The following GALNTL6 variants were observed in gnomAD, a reference collection of about 807,000 sequenced individuals.
GALNTL6 encodes the protein polypeptide N-acetylgalactosaminyltransferase-like 6.
In GALNTL6, 46 loss-of-function variants were observed where a neutral mutation model predicts 73.7. The observed-to-expected ratio is 0.62, with a 90% CI of 0.49 to 0.80. The LOEUF (loss-of-function observed/expected upper bound fraction) is 0.80, where lower values mean the gene tolerates loss of function less well. GALNTL6 is among the 30% of genes least tolerant of loss of function. The pLI, the probability that GALNTL6 is intolerant of heterozygous loss-of-function variation, is 0.00. For synonymous variants in GALNTL6, 259 were observed against 263.7 expected (o/e 0.98, Z 0.17); for missense variants, 604 against 755.0 (o/e 0.80, Z 2.34).
intron 2 of GALNTL6, among the ~76,000 whole-genome samples, chr4:172,002,840 G>C (rs1740718703): frequency 6.6e-6 from 1 of 152,158 alleles, no homozygotes; most frequent in Non-Finnish European, 1.5e-5. Flanking sequence ...CGTGTTATAA[G>C]AGGTGGAGAA....
chr4:172,487,296 T>TTCTTTCCTTCTG (rs1554029531), intron 5 of GALNTL6, among the ~76,000 whole-genome samples: 6 of 82,186 alleles, frequency 7.3e-5, no homozygotes, highest in South Asian at 5.3e-4. Context: ...CCTTCTTTCC[T>TTCTTTCCTTCTG]TCTGTCTTTC....
At position 172,482,837 on chromosome 4, in the gene GALNTL6, C is replaced by T. The variant is rs138650400; in HGVS notation, c.553+134148C>T. ...TGTATCTTAAGTGTCTGCAAAGTACCCAGCACAAAGTAAAAACCTGGCAAA... is the reference window on the plus strand; with the variant it reads ...TGTATCTTAAGTGTCTGCAAAGTACTCAGCACAAAGTAAAAACCTGGCAAA... On this transcript the variant is annotated intron_variant, in intron 5 of 12. Coordinates refer to ENST00000506823, the MANE Select transcript of GALNTL6 (RefSeq NM_001034845.3). Among the ~76,000 whole-genome samples the T allele has an allele frequency of 2.6e-5, 4 of 152,102 alleles. No homozygotes were observed. In the East Asian group the frequency reaches 7.7e-4, roughly 29 times the overall value.
At chr4:172,333,737 G>A (rs1741212399) in intron 4 of GALNTL6, among the ~76,000 whole-genome samples, 1 of 152,082 alleles carries the variant, frequency 6.6e-6, no homozygotes, top group Admixed American at 6.5e-5. Context: ...CGCTTTTGAG[G>A]TCTTAGTCAT....
Position 172,633,847 on chromosome 4 carries a change from GA to G in GALNTL6, c.554-175513del, listed in dbSNP as rs1475775501. On this transcript the variant is annotated intron_variant, in intron 5 of 12. Transcript: ENST00000506823. ...CTGTTCTCGTGGTAGTCAGTTTCATGAGATCTGATGGTTTTATAAATGGGAG... is the reference window on the plus strand; with the variant it reads ...CTGTTCTCGTGGTAGTCAGTTTCATGGATCTGATGGTTTTATAAATGGGAG... 2.5e-4 allele frequency among the ~76,000 whole-genome samples: 38 copies of G among 152,300 alleles called. No individual in the cohort carries two copies. In the East Asian group the frequency reaches 4.6e-3, roughly 19 times the overall value.
chr4:172,180,958 G>T (rs537882725), intron 2 of GALNTL6, among the ~76,000 whole-genome samples: 1 of 152,014 alleles, frequency 6.6e-6, no homozygotes, highest in Non-Finnish European at 1.5e-5. Context: ...TTTTGGTTCC[G>T]TTAGAAATTT....
At chr4:172,397,877 A>G (rs1743906385) in intron 5 of GALNTL6, among the ~76,000 whole-genome samples, 1 of 152,084 alleles carries the variant, frequency 6.6e-6, no homozygotes, top group Non-Finnish European at 1.5e-5. Flanking sequence ...GTGCCTGGCC[A>G]CTATCTTTTA....
rs115210315 is a variant in GALNTL6, at chr4:172,431,250, G to T, written c.553+82561G>T. Reference sequence around the variant, plus strand: ...ATTATACCAATAACTAATGAATTCAGCTATTACTTACGATGCATTCCAATC... The same window carrying T: ...ATTATACCAATAACTAATGAATTCATCTATTACTTACGATGCATTCCAATC... On this transcript the variant is annotated intron_variant, in intron 5 of 12. Coordinates refer to ENST00000506823, the MANE Select transcript of GALNTL6 (RefSeq NM_001034845.3). Among the ~76,000 whole-genome samples the T allele has an allele frequency of 1.5e-3, 224 of 152,208 alleles. 1 individual carries two copies. The highest frequency in any genetic ancestry group is 4.8e-3 in the African/African-American group (198 of 41,552).
intron 2 of GALNTL6, among the ~76,000 whole-genome samples, chr4:171,974,344 T>C (rs759948221): frequency 6.6e-6 from 1 of 152,184 alleles, no homozygotes; most frequent in Admixed American, 6.5e-5. Context: ...AGGCCCACCA[T>C]AGCAGCTGAA....
chr4:172,801,993 G>A (rs1740674935), intron 5 of GALNTL6, among the ~76,000 whole-genome samples: 1 of 152,080 alleles, frequency 6.6e-6, no homozygotes, highest in Non-Finnish European at 1.5e-5. Context: ...TGTTTCTTAA[G>A]TGTCTCTTAA....
chr4:172,132,997 T>C (rs1733541718), intron 2 of GALNTL6, among the ~76,000 whole-genome samples: 1 of 152,188 alleles, frequency 6.6e-6, no homozygotes, highest in Admixed American at 6.5e-5. Flanking sequence ...TGTGTGTGCA[T>C]GATAGAAACT....
At chr4:171,822,202 T>C (rs1734704760) in intron 2 of GALNTL6, among the ~76,000 whole-genome samples, 1 of 152,170 alleles carries the variant, frequency 6.6e-6, no homozygotes. Context: ...AGTTAAAAAG[T>C]AGAATAAAAA....
rs564391363 is a variant in GALNTL6 at position 172,099,153 on chromosome 4, GA to G, written c.139-130496del. 3.9e-5 allele frequency among the ~76,000 whole-genome samples: 6 copies of G among 151,994 alleles called. No homozygotes were observed. The East Asian group carries it at 1.2e-3, about 29-fold the overall frequency. On this transcript the variant is annotated intron_variant, in intron 2 of 12. Transcript: ENST00000506823. Reference sequence around the variant, plus strand: ...ATGCTGCTTCAAACACTAGAGAGACGAAAAAAACATGCTATATATTCCCATT... The same window carrying G: ...ATGCTGCTTCAAACACTAGAGAGACGAAAAAACATGCTATATATTCCCATT...
rs955578266 is a variant in GALNTL6, at chr4:171,905,599, A to G, written c.138+90881A>G. Among the ~76,000 whole-genome samples, 6 of 150,234 alleles carry G rather than the reference A, an allele frequency of 4.0e-5. 1 individual carries two copies. Among genetic ancestry groups the G allele is most frequent in the African/African-American group, 1.5e-4 (6 of 39,660 alleles). ...GACAGATCAACGAGACAGAAAGTCA[A>G]CAAGGATACCCAGGAATTGAACTCA... On this transcript the variant is annotated intron_variant, in intron 2 of 12. Coordinates refer to ENST00000506823, the MANE Select transcript of GALNTL6 (RefSeq NM_001034845.3).
At chr4:171,962,919 CA>C (rs1244271317) in intron 2 of GALNTL6, among the ~76,000 whole-genome samples, 2 of 151,736 alleles carry the variant, frequency 1.3e-5, no homozygotes, top group African/African-American at 4.8e-5. Context: ...AGGTGTGCAC[CA>C]CCATGCCCAG....
intron 2 of GALNTL6, among the ~76,000 whole-genome samples, chr4:171,860,978 C>T (rs1223782653): frequency 6.6e-6 from 1 of 152,120 alleles, no homozygotes; most frequent in Non-Finnish European, 1.5e-5. Context: ...CATAATTCTC[C>T]ATTAGGCCTC....
intron 4 of GALNTL6, among the ~76,000 whole-genome samples, chr4:172,332,652 A>T (rs1263666344): frequency 6.6e-6 from 1 of 152,106 alleles, no homozygotes; most frequent in African/African-American, 2.4e-5. Context: ...TTTCTGGCTG[A>T]AAAATATTTC....
At chr4:172,803,382 C>T (rs1376040980) in intron 5 of GALNTL6, among the ~76,000 whole-genome samples, 1 of 152,046 alleles carries the variant, frequency 6.6e-6, no homozygotes, top group African/African-American at 2.4e-5. Flanking sequence ...CTAGATTTTG[C>T]GCTCCTTATG....
intron 2 of GALNTL6, among the ~76,000 whole-genome samples, chr4:171,978,534 A>G (rs1739788294): frequency 6.6e-6 from 1 of 152,182 alleles, no homozygotes; most frequent in Admixed American, 6.5e-5. Flanking sequence ...ATGGTAGTTC[A>G]GCTGTGTGTC....
intron 5 of GALNTL6, among the ~76,000 whole-genome samples, chr4:172,612,835 C>A (rs1738579890): frequency 6.6e-6 from 1 of 152,068 alleles, no homozygotes; most frequent in Admixed American, 6.6e-5. Flanking sequence ...TATTGTTAAG[C>A]TTCAGCATAT....
Sources: allele counts gnomAD v4.1 joint callset (sites outside exome capture counted in the v4.1 genomes callset), GRCh38; gene constraint gnomAD v4.1.1; transcripts MANE v1.5; gene names NCBI Gene and HGNC (gene_info 2026-07-23, HGNC 2026-07-21).